URB1: variants seen among roughly 807,000 people sequenced by gnomAD.
URB1 encodes URB1 ribosome biogenesis factor, also known as nucleolar pre-ribosomal-associated protein 1.
A neutral mutation model predicts 242.3 loss-of-function variants in URB1; 197 were observed. The observed-to-expected ratio is 0.81, with a 90% confidence interval of 0.72 to 0.91. The LOEUF is 0.91. Ranked by LOEUF, URB1 falls within the 40% of genes least tolerant of loss-of-function variation. The pLI is 0.00. For synonymous variants in URB1, 1,153 were observed against 1,201.8 expected (o/e 0.96, Z 0.84); for missense variants, 2,721 against 2,860.5 (o/e 0.95, Z 1.11).
intron 7 of URB1, 42 bp downstream of exon 7, chr21:32,373,605 A>C (rs2033428389): frequency 6.6e-7 from 1 of 1,516,944 alleles, no homozygotes; most frequent in Admixed American, 2.3e-5. Flanking sequence ...TGAGGATCAA[A>C]TTCCAACAAC....
At chr21:32,355,036 T>C in intron 16 of URB1, 39 bp from the exon 17 acceptor site, 1 of 1,519,772 alleles carries the variant, frequency 6.6e-7, no homozygotes. Context: ...ATTCAGATGG[T>C]CACAGGTGAA....
intron 5 of URB1, 82 bp from the exon 6 acceptor site, chr21:32,375,565 G>T: frequency 3.9e-6 from 3 of 778,986 alleles, no homozygotes; most frequent in South Asian, 2.2e-5. Context: ...TGTTTAGGTG[G>T]TACAGCAAAC....
At chr21:32,324,699 T>C in intron 31 of URB1, 97 bp from the exon 32 acceptor site, 1 of 861,214 alleles carries the variant, frequency 1.2e-6, no homozygotes. Flanking sequence ...CGGCAGGGTG[T>C]GCCTGCTTCT....
intron 8 of URB1, 51 bp downstream of exon 8, chr21:32,372,456 A>C: frequency 6.5e-7 from 1 of 1,530,628 alleles, no homozygotes; most frequent in Non-Finnish European, 8.8e-7. Flanking sequence ...ATATGTGGTG[A>C]CTTCTGAGGA....
intron 1 of URB1, among the ~76,000 whole-genome samples, chr21:32,392,559 A>C (rs1016892520): frequency 6.6e-6 from 1 of 152,212 alleles, no homozygotes; most frequent in African/African-American, 2.4e-5. Flanking sequence ...AAACGGTCCC[A>C]ATCAAGCAAG....
Position 32,347,699 on chromosome 21 carries a change from T to C in URB1, c.3125A>G (p.Lys1042Arg), listed in dbSNP as rs1364884768. The C allele has an allele frequency of 6.4e-7, 1 of 1,551,318 alleles. No homozygotes were observed. Among genetic ancestry groups the C allele is most frequent in the East Asian group, 2.4e-5 (1 of 40,910 alleles). The change falls in exon 22 of 39, where the codon AAG becomes AGG. Residue 1042 changes from lysine to arginine, a missense_variant. Coordinates refer to ENST00000382751, the MANE Select transcript of URB1 (RefSeq NM_014825.3). Reference sequence around the variant, plus strand: ...TGCACTAAAGTGGGTGGCCAGGAGCTTCACGAGGACAGGGCTGAGCGTGTG... The same window carrying C: ...TGCACTAAAGTGGGTGGCCAGGAGCCTCACGAGGACAGGGCTGAGCGTGTG... ...PPHTLSPVLVKLLATHFSAGV... is the reference protein window; with the variant it reads ...PPHTLSPVLVRLLATHFSAGV...
In URB1 at chr21:32,392,882, C is replaced by T. The variant is rs1326642893; in HGVS notation, c.29G>A (p.Gly10Asp). Residue 10 changes from glycine (G) to aspartate (D), a missense_variant, in exon 1 of 39, where the codon GGC becomes GAC. By Grantham distance (94) the Gly-to-Asp change is moderately conservative. Coordinates refer to ENST00000382751, the MANE Select transcript of URB1 (RefSeq NM_014825.3). MGVPKRKAS[G>D]GQDGAASSAG... The stretch of plus-strand genomic sequence containing the variant: ...GGAGGAAGCCGCGCCGTCCTGGCCG[C>T]CCGAGGCCTTCCTCTTGGGGACCCC... The T allele has an allele frequency of 2.6e-6, 4 of 1,530,002 alleles. No homozygotes were observed. In the South Asian group the frequency reaches 3.6e-5, roughly 14 times the overall value. 94.8% of individuals were successfully genotyped at this position (1,530,002 alleles called of 1,614,324 possible).
At chr21:32,332,693 G>A (rs373852385) in intron 30 of URB1, among the ~76,000 whole-genome samples, 5 of 151,532 alleles carry the variant, frequency 3.3e-5, no homozygotes, top group South Asian at 2.1e-4. Flanking sequence ...TAGCAAATAA[G>A]CCACAGGATG....
In URB1 at chr21:32,334,320, C is replaced by T; in HGVS notation, c.4700G>A (p.Gly1567Asp). The T allele has an allele frequency of 6.5e-7, 1 of 1,549,254 alleles. No homozygotes were observed. The highest frequency in any genetic ancestry group is 1.2e-5 in the South Asian group (1 of 83,812). Residue 1567 changes from glycine to aspartate, a missense_variant, in exon 29 of 39, where the codon GGC becomes GAC. By Grantham distance (94) the Gly-to-Asp change is moderately conservative (BLOSUM62 -1). Coordinates refer to ENST00000382751, the MANE Select transcript of URB1 (RefSeq NM_014825.3). ...SLINFRVLLW[G>D]PAAVEHHKTC... ...CTTGTGATGCTCCACGGCCGCTGGG[C>T]CCCACAGCAGCACCCTAGAGCCAGA...
In URB1 at chr21:32,325,399, A is replaced by G; in HGVS notation, c.4961-10T>C. On this transcript the variant is annotated splice_polypyrimidine_tract_variant and intron_variant, in intron 30 of 38. Coordinates refer to ENST00000382751, the MANE Select transcript of URB1 (RefSeq NM_014825.3). ...CAATCCACCACAAACTCTGCAGGAAATGAAATACAGCATGAAACACACACA... is the reference window on the plus strand; with the variant it reads ...CAATCCACCACAAACTCTGCAGGAAGTGAAATACAGCATGAAACACACACA... 1 of 1,546,436 alleles carries G rather than the reference A, an allele frequency of 6.5e-7. No homozygotes were observed. The highest frequency in any genetic ancestry group is 2.5e-5 in the East Asian group (1 of 40,730).
rs1486533767 is a variant in URB1, at chr21:32,357,391, A to T, written c.1989+146T>A. Reference sequence around the variant, plus strand: ...ATGTAGCTAAGTGTAAGACACAATAAATTAAACTGCCATAAAACCTTCTAT... The same window carrying T: ...ATGTAGCTAAGTGTAAGACACAATATATTAAACTGCCATAAAACCTTCTAT... On this transcript the variant is annotated intron_variant, in intron 15 of 38. Transcript: ENST00000382751. 6 of 907,886 alleles carry T rather than the reference A, an allele frequency of 6.6e-6. No individual in the cohort carries two copies. In the African/African-American group the frequency reaches 1.0e-4, roughly 16 times the overall value. The allele number at this position is 907,886 out of a possible 1,614,324, so 56.2% of individuals were successfully genotyped here.
In URB1 at chr21:32,367,279, G is replaced by A. The variant is rs142552522; in HGVS notation, c.1198-524C>T. On this transcript the variant is annotated intron_variant, in intron 9 of 38. Coordinates refer to ENST00000382751, the MANE Select transcript of URB1 (RefSeq NM_014825.3). ...GCAGCCAAGTAAGGACTCAACACTG[G>A]GCCTGCAAAAACCACACACTCACCC... 3.7e-3 allele frequency among the ~76,000 whole-genome samples: 568 copies of A among 152,106 alleles called. 2 individuals carry two copies. Among genetic ancestry groups the A allele is most frequent in the African/African-American group, 0.013 (524 of 41,520 alleles).
chr21:32,353,749 C>G (rs1026032862), intron 18 of URB1, among the ~76,000 whole-genome samples, 184 bp downstream of exon 18: 3 of 152,222 alleles, frequency 2.0e-5, no homozygotes, highest in Non-Finnish European at 4.4e-5. Flanking sequence ...GCCTAGCCAG[C>G]CCCAAGATCC....
intron 22 of URB1, among the ~76,000 whole-genome samples, chr21:32,346,369 GGGCACTGT>G (rs1274913050): frequency 6.6e-6 from 1 of 152,202 alleles, no homozygotes; most frequent in African/African-American, 2.4e-5. Flanking sequence ...AAGACTTGCA[GGGCACTGT>G]CTTACTTTTT....
chr21:32,369,629 A>G (rs977938665), intron 8 of URB1, among the ~76,000 whole-genome samples: 4 of 152,048 alleles, frequency 2.6e-5, no homozygotes. Flanking sequence ...CTGGAAATAA[A>G]GTTTTTTTTA....
At chr21:32,390,687 G>A (rs2033628111) in intron 1 of URB1, among the ~76,000 whole-genome samples, 1 of 152,148 alleles carries the variant, frequency 6.6e-6, no homozygotes, top group African/African-American at 2.4e-5. Flanking sequence ...ACACCAATTA[G>A]AATGGCGATC....
chr21:32,320,113 CCT>C (rs2032746707), intron 35 of URB1, among the ~76,000 whole-genome samples: 1 of 152,220 alleles, frequency 6.6e-6, no homozygotes, highest in South Asian at 2.1e-4. Flanking sequence ...ACAGCAGAGC[CCT>C]GTCACCCGTC....
chr21:32,374,063 A>C (rs887595619), intron 6 of URB1, among the ~76,000 whole-genome samples: 2 of 152,208 alleles, frequency 1.3e-5, no homozygotes, highest in African/African-American at 2.4e-5. Flanking sequence ...TTTTATTTAT[A>C]TATGATTACT....
At chr21:32,355,124 A>C (rs759091848) in intron 16 of URB1, 127 bp from the exon 17 acceptor site, 25 of 1,260,932 alleles carry the variant, frequency 2.0e-5, no homozygotes, top group Non-Finnish European at 2.6e-5. Context: ...GAATAGTTTT[A>C]CTATGAAATT....
Sources: allele counts gnomAD v4.1 joint callset (sites outside exome capture counted in the v4.1 genomes callset), GRCh38; gene constraint gnomAD v4.1.1; transcripts MANE v1.5; gene names NCBI Gene and HGNC (gene_info 2026-07-23, HGNC 2026-07-21).